SPARC: variants seen among roughly 807,000 people sequenced by gnomAD.
The protein encoded by SPARC is secreted protein acidic and cysteine rich, also known as basement-membrane protein 40.
In SPARC, 23 loss-of-function variants were observed where a neutral mutation model predicts 37.7. That is an observed-to-expected ratio of 0.61 (90% CI 0.44 to 0.87). The LOEUF is 0.87. SPARC is among the 40% of genes least tolerant of loss of function. The pLI is 0.00. For synonymous variants in SPARC, 155 were observed against 150.8 expected, an observed-to-expected ratio of 1.03 and a Z score of -0.20; for missense variants, 312 against 389.0, an observed-to-expected ratio of 0.80 and a Z score of 1.66.
chr5:151,667,416 G>C, intron 7 of SPARC, 51 bp downstream of exon 7: 2 of 1,611,292 alleles, frequency 1.2e-6, no homozygotes, highest in Non-Finnish European at 1.7e-6. Flanking sequence ...TCTAGGAATG[G>C]GACTGGATCT....
Position 151,676,145 on chromosome 5 carries a change from G to T in SPARC, c.44C>A (p.Ala15Asp). 2.5e-6 allele frequency: 4 copies of T among 1,611,848 alleles called. No individual in the cohort carries two copies. Among genetic ancestry groups the T allele is most frequent in the Non-Finnish European group, 2.5e-6 (3 of 1,179,182 alleles). Residue 15 changes from alanine (A) to aspartate (D), a missense_variant, in exon 2 of 10, where the codon GCC becomes GAC. Transcript: ENST00000231061. ...TTAGGTACTTACAGGGGCTGCCAAG[G>T]CCCTCCCGGCCAGGCAAAGGAGAAA... ...IFFLLCLAGR[A>D]LAAPQQEALP...
chr5:151,682,177 C>T lies in SPARC; in HGVS notation c.-14+4688G>A, dbSNP rs78024032. On this transcript the variant is annotated intron_variant, in intron 1 of 9. Coordinates refer to ENST00000231061, the MANE Select transcript of SPARC (RefSeq NM_003118.4). ...CTGGAAGGAAAGACGCTAAAGGAAA[C>T]TTTTAAGGTGTGGTAGCTAAAACTT... Among the ~76,000 whole-genome samples the T allele has an allele frequency of 8.1e-3, 1,227 of 152,278 alleles. 15 individuals are homozygous for T. Among genetic ancestry groups the T allele is most frequent in the African/African-American group, 0.029 (1,188 of 41,542 alleles).
At chr5:151,678,967 TACCACTG>T (rs1760923566) in intron 1 of SPARC, 1 of 152,076 alleles carries the variant, frequency 6.6e-6, no homozygotes, top group Non-Finnish European at 1.5e-5. Context: ...CTCTCTAAAC[TACCACTG>T]ACCAAAGAGC....
chr5:151,682,603 C>A (rs1295894859), intron 1 of SPARC, among the ~76,000 whole-genome samples: 1 of 152,196 alleles, frequency 6.6e-6, no homozygotes, highest in Non-Finnish European at 1.5e-5. Context: ...CTTCTGACAG[C>A]CACTACCGAT....
chr5:151,682,200 C>G (rs1048426254), intron 1 of SPARC, among the ~76,000 whole-genome samples: 3 of 152,134 alleles, frequency 2.0e-5, no homozygotes, highest in Non-Finnish European at 2.9e-5. Flanking sequence ...GTAGCTAAAA[C>G]TTAGGACTGG....
intron 1 of SPARC, chr5:151,679,025 C>T (rs907515507): frequency 2.0e-5 from 3 of 152,214 alleles, no homozygotes; most frequent in South Asian, 4.1e-4. Flanking sequence ...ATAACAGTCA[C>T]CCCAGCAAGG....
At chr5:151,671,799 C>A in intron 4 of SPARC, 105 bp from the exon 5 acceptor site, 1 of 1,500,148 alleles carries the variant, frequency 6.7e-7, no homozygotes. Context: ...CTGTGGCCCC[C>A]ACTCTGGGCT....
At chr5:151,680,446 G>C (rs2113115717) in intron 1 of SPARC, among the ~76,000 whole-genome samples, 1 of 152,016 alleles carries the variant, frequency 6.6e-6, no homozygotes, top group East Asian at 1.9e-4. Context: ...ATGTTGCCCA[G>C]GCTGGTCTCG....
intron 8 of SPARC, 91 bp from the exon 9 acceptor site, chr5:151,664,326 G>A (rs904401321): frequency 1.7e-6 from 2 of 1,191,030 alleles, no homozygotes; most frequent in Non-Finnish European, 2.4e-6. Flanking sequence ...CTGCCCCAGA[G>A]CATGGAGGAA....
At chr5:151,679,180 T>G (rs1372736231) in intron 1 of SPARC, 3 of 152,218 alleles carry the variant, frequency 2.0e-5, no homozygotes, top group Admixed American at 2.0e-4. Context: ...TCCTTTGTAT[T>G]TCTTTAGTCT....
chr5:151,669,507 G>A (rs1190397554), intron 6 of SPARC, among the ~76,000 whole-genome samples, 157 bp downstream of exon 6: 1 of 152,172 alleles, frequency 6.6e-6, no homozygotes, highest in African/African-American at 2.4e-5. Context: ...CCAACTCATA[G>A]ACAATTACCT....
chr5:151,664,236 C>T lies in SPARC; in HGVS notation c.735-1G>A. 6.2e-7 allele frequency: 1 copy of T among 1,613,512 alleles called. No individual in the cohort carries two copies. Among genetic ancestry groups the T allele is most frequent in the Non-Finnish European group, 8.5e-7 (1 of 1,179,832 alleles). The stretch of plus-strand genomic sequence containing the variant: ...AGCCAGCTCGGTGTGGGAGAGGTAC[C>T]TGCAGGGAAGGAGGCAGGGGAGGGC... On this transcript the variant is annotated splice_acceptor_variant, in intron 8 of 9. Coordinates refer to ENST00000231061, the MANE Select transcript of SPARC (RefSeq NM_003118.4). LOFTEE classifies it high-confidence loss of function.
intron 1 of SPARC, among the ~76,000 whole-genome samples, chr5:151,683,090 TGGGAGGGA>T (rs922705654): frequency 4.4e-5 from 3 of 68,804 alleles, no homozygotes; most frequent in Non-Finnish European, 5.6e-5. Flanking sequence ...GGATTGAGGT[TGGGAGGGA>T]GGGAGGGAGG....
intron 1 of SPARC, among the ~76,000 whole-genome samples, chr5:151,678,607 A>T (rs1320398085): frequency 1.3e-5 from 2 of 152,160 alleles, no homozygotes; most frequent in Non-Finnish European, 2.9e-5. Flanking sequence ...GGGAGGAAGC[A>T]CTTGTCCAAA....
chr5:151,672,690 T>C (rs1760773492), intron 4 of SPARC: 1 of 186,130 alleles, frequency 5.4e-6, no homozygotes, highest in South Asian at 1.3e-4. Context: ...TTCCTTGGAC[T>C]GTGTGAAATA....
chr5:151,682,625 G>A (rs1396757725), intron 1 of SPARC, among the ~76,000 whole-genome samples: 1 of 152,200 alleles, frequency 6.6e-6, no homozygotes, highest in Non-Finnish European at 1.5e-5. Flanking sequence ...AATTAGTGAT[G>A]TTGTCAGGCC....
intron 9 of SPARC, 91 bp downstream of exon 9, chr5:151,663,996 C>T (rs1363560882): frequency 4.1e-6 from 6 of 1,479,544 alleles, no homozygotes; most frequent in South Asian, 2.3e-5. Context: ...AACAGACAGA[C>T]CAAGAGAGCG....
chr5:151,680,216 CTTTTTTTTTT>C (rs58021431), intron 1 of SPARC, among the ~76,000 whole-genome samples: 13 of 61,970 alleles, frequency 2.1e-4, no homozygotes, highest in East Asian at 6.0e-4. Context: ...TGGAAAACAT[CTTTTTTTTTT>C]TTTTTTTTTT....
At chr5:151,680,764 A>G (rs932723394) in intron 1 of SPARC, among the ~76,000 whole-genome samples, 2 of 152,224 alleles carry the variant, frequency 1.3e-5, no homozygotes, top group African/African-American at 4.8e-5. Flanking sequence ...AATGGAAACA[A>G]TAACATACCA....
Sources: gnomAD v4.1 joint callset for allele counts (sites outside exome capture counted in the v4.1 genomes callset) on GRCh38, gnomAD v4.1.1 for gene constraint, MANE v1.5 for transcripts, NCBI Gene and HGNC (gene_info 2026-07-23, HGNC 2026-07-21) for gene names.